The following CFAP95 variants were observed in gnomAD, a reference collection of about 807,000 sequenced individuals.
The protein encoded by CFAP95 is cilia and flagella associated protein 95.
chr9:69,884,834 C>T, the CFAP95 span, among the ~76,000 whole-genome samples: 1 of 149,162 alleles, frequency 6.7e-6, no homozygotes, highest in Admixed American at 6.8e-5. Context: ...ATTCTCCTTT[C>T]CTGACTTCTA....
chr9:69,889,445 A>G, the CFAP95 span, among the ~76,000 whole-genome samples: 1 of 152,222 alleles, frequency 6.6e-6, no homozygotes, highest in Non-Finnish European at 1.5e-5. Flanking sequence ...TTAGCATTTC[A>G]GCAGTCAGAG....
the CFAP95 span, among the ~76,000 whole-genome samples, chr9:69,851,377 C>T: frequency 6.6e-6 from 1 of 152,080 alleles, no homozygotes; most frequent in Non-Finnish European, 1.5e-5. Flanking sequence ...GCCTATTGGT[C>T]CCATTTCAAT....
chr9:69,887,435 C>T, the CFAP95 span, among the ~76,000 whole-genome samples: 1 of 152,128 alleles, frequency 6.6e-6, no homozygotes, highest in African/African-American at 2.4e-5. Context: ...AAGAGAAAAA[C>T]ATCTTATTTT....
At chr9:69,841,164 T>TTATATATATATA in the CFAP95 span, among the ~76,000 whole-genome samples, 851 of 55,782 alleles carry the variant, frequency 0.015, 37 homozygotes, top group East Asian at 0.022. Context: ...CCAAGCTGGA[T>TTATATATATATA]TATATATATA....
At chr9:69,829,491 C>T in the CFAP95 span, among the ~76,000 whole-genome samples, 36 of 152,304 alleles carry the variant, frequency 2.4e-4, no homozygotes, top group South Asian at 4.1e-4. Flanking sequence ...TTTCACCACA[C>T]GGGCAAACTT....
chr9:69,868,607 G>A, the CFAP95 span, among the ~76,000 whole-genome samples: 21 of 148,104 alleles, frequency 1.4e-4, no homozygotes, highest in Non-Finnish European at 2.4e-4. Flanking sequence ...GCAGTGAGCT[G>A]AGATCATGCC....
At chr9:69,854,921 G>T in the CFAP95 span, among the ~76,000 whole-genome samples, 4 of 152,194 alleles carry the variant, frequency 2.6e-5, no homozygotes, top group Non-Finnish European at 4.4e-5. Context: ...GCTGTAGGTT[G>T]TTCTGAGTTA....
At chr9:69,845,629 A>G in the CFAP95 span, among the ~76,000 whole-genome samples, 1 of 149,726 alleles carries the variant, frequency 6.7e-6, no homozygotes, top group Non-Finnish European at 1.5e-5. Context: ...TGCAGTGGAC[A>G]GAGAGTAATA....
At chr9:69,887,254 G>A in the CFAP95 span, among the ~76,000 whole-genome samples, 1 of 152,072 alleles carries the variant, frequency 6.6e-6, no homozygotes, top group African/African-American at 2.4e-5. Flanking sequence ...ATAGCTCTGG[G>A]AAATATGTAT....
At chr9:69,875,709 C>G in the CFAP95 span, among the ~76,000 whole-genome samples, 1 of 152,224 alleles carries the variant, frequency 6.6e-6, no homozygotes, top group East Asian at 1.9e-4. Flanking sequence ...TTAACACAAA[C>G]ATATTTTAAG....
At chr9:69,865,152 GCTCACT>G in the CFAP95 span, among the ~76,000 whole-genome samples, 7 of 152,070 alleles carry the variant, frequency 4.6e-5, no homozygotes, top group African/African-American at 1.7e-4. Context: ...TTCCCCCTTT[GCTCACT>G]CTTCTCTCTC....
At chr9:69,840,654 G>T in the CFAP95 span, among the ~76,000 whole-genome samples, 1 of 152,108 alleles carries the variant, frequency 6.6e-6, no homozygotes, top group Non-Finnish European at 1.5e-5. Flanking sequence ...AGAGCATATA[G>T]TAAAGACATA....
the CFAP95 span, among the ~76,000 whole-genome samples, chr9:69,898,967 G>T: frequency 2.0e-5 from 3 of 150,812 alleles, no homozygotes; most frequent in African/African-American, 4.9e-5. Flanking sequence ...AATCATCTTT[G>T]GTTCTTTGTC....
chr9:69,822,451 A>G, the CFAP95 span, among the ~76,000 whole-genome samples: 1 of 152,230 alleles, frequency 6.6e-6, no homozygotes. Flanking sequence ...GAAGTTATAC[A>G]GATTTGGAAT....
chr9:69,877,558 T>C, the CFAP95 span, among the ~76,000 whole-genome samples: 53 of 152,354 alleles, frequency 3.5e-4, no homozygotes, highest in Admixed American at 7.2e-4. Context: ...CAAGTATAAA[T>C]GGGATTTTCC....
the CFAP95 span, among the ~76,000 whole-genome samples, chr9:69,871,484 T>C: frequency 6.6e-6 from 1 of 151,540 alleles, no homozygotes; most frequent in South Asian, 2.1e-4. Context: ...GAGATTGCAA[T>C]CTTGAACGTA....
At chr9:69,870,834 G>A in the CFAP95 span, among the ~76,000 whole-genome samples, 2 of 152,132 alleles carry the variant, frequency 1.3e-5, no homozygotes, top group South Asian at 2.1e-4. Flanking sequence ...GGGTAGAAGC[G>A]ACATCTGAGC....
chr9:69,902,430 A>AT, the CFAP95 span: 1 of 407,392 alleles, frequency 2.5e-6, no homozygotes, highest in Non-Finnish European at 4.8e-6. Flanking sequence ...CAAAAATCCT[A>AT]TTTTGTATGT....
chr9:69,822,907 T>C, the CFAP95 span, among the ~76,000 whole-genome samples: 2 of 152,226 alleles, frequency 1.3e-5, no homozygotes, highest in African/African-American at 4.8e-5. Context: ...CTTTGCTACA[T>C]GTTGGGGACA....
Sources: allele counts gnomAD v4.1 joint callset (sites outside exome capture counted in the v4.1 genomes callset), GRCh38; gene constraint gnomAD v4.1.1; transcripts MANE v1.5; gene names NCBI Gene and HGNC (gene_info 2026-07-23, HGNC 2026-07-21).